ASTN1: variants seen among roughly 807,000 people sequenced by gnomAD.
The protein encoded by ASTN1 is astrotactin 1.
In ASTN1, 41 loss-of-function variants were observed where a neutral mutation model predicts 140.7. The ratio of observed to expected loss-of-function variants is 0.29; its 90% confidence interval spans 0.23 to 0.38. ASTN1 has a LOEUF of 0.38. ASTN1 is among the 10% of genes least tolerant of loss of function. The pLI, the probability that ASTN1 is intolerant of heterozygous loss-of-function variation, is 1.00. For missense variants in ASTN1, 1,479 were observed against 1,678.8 expected (o/e 0.88, Z 2.08); for synonymous variants, 640 against 652.2 (o/e 0.98, Z 0.29).
intron 8 of ASTN1, among the ~76,000 whole-genome samples, chr1:176,991,452 A>G: frequency 6.7e-6 from 1 of 150,034 alleles, no homozygotes; most frequent in Non-Finnish European, 1.5e-5. Context: ...AAAAAAAAAA[A>G]AAAAAACCAA....
chr1:176,889,128 G>C (rs1417493193), intron 17 of ASTN1, among the ~76,000 whole-genome samples: 1 of 152,218 alleles, frequency 6.6e-6, no homozygotes, highest in Non-Finnish European at 1.5e-5. Context: ...TTAAGTAAAA[G>C]GACAGAAGAA....
At chr1:176,983,142 G>A (rs1031164412) in intron 8 of ASTN1, among the ~76,000 whole-genome samples, 1 of 152,180 alleles carries the variant, frequency 6.6e-6, no homozygotes, top group South Asian at 2.1e-4. Context: ...GAATGTGTGA[G>A]AACATGGTTT....
At chr1:177,095,286 A>C (rs1446753216) in intron 1 of ASTN1, among the ~76,000 whole-genome samples, 1 of 152,208 alleles carries the variant, frequency 6.6e-6, no homozygotes, top group East Asian at 1.9e-4. Context: ...GTAGGAGAGA[A>C]CAAGAGTGTA....
intron 14 of ASTN1, among the ~76,000 whole-genome samples, chr1:176,942,866 AGATTGATG>A (rs1671798937): frequency 1.4e-5 from 1 of 69,964 alleles, no homozygotes; most frequent in Non-Finnish European, 2.8e-5. Context: ...ATATATATAT[AGATTGATG>A]TCTCATGTCT....
chr1:177,114,585 T>TAGAC (rs1294661860), intron 1 of ASTN1, among the ~76,000 whole-genome samples: 2 of 152,150 alleles, frequency 1.3e-5, no homozygotes, highest in African/African-American at 4.8e-5. Flanking sequence ...AACCAGGTGA[T>TAGAC]AGACACTGAT....
chr1:176,988,003 C>A (rs1673985100), intron 8 of ASTN1, among the ~76,000 whole-genome samples: 1 of 152,044 alleles, frequency 6.6e-6, no homozygotes, highest in Admixed American at 6.6e-5. Context: ...GCTATTGATG[C>A]TATTTATACA....
rs894573853 is a variant in ASTN1, at chr1:176,863,249, G to C, written c.*1035C>G. On this transcript the variant is annotated 3_prime_UTR_variant, in exon 23 of 23. Transcript: ENST00000361833. ...ACACAAGCAAATTTAGCAAGGTGGG[G>C]ATGAACAGAAGTTTTTTGTGATCAA... The C allele has an allele frequency of 1.0e-6, 1 of 985,772 alleles. No homozygotes were observed. Among genetic ancestry groups the C allele is most frequent in the African/African-American group, 1.7e-5 (1 of 57,238 alleles). 61.1% of individuals were successfully genotyped at this position (985,772 alleles called of 1,614,324 possible).
At chr1:176,874,443 C>G (rs1433210008) in intron 21 of ASTN1, among the ~76,000 whole-genome samples, 1 of 152,186 alleles carries the variant, frequency 6.6e-6, no homozygotes, top group African/African-American at 2.4e-5. Context: ...GGGCTTCAGT[C>G]TTTGACATAA....
chr1:177,005,088 G>A (rs1674926837), intron 8 of ASTN1, among the ~76,000 whole-genome samples: 1 of 152,012 alleles, frequency 6.6e-6, no homozygotes, highest in Admixed American at 6.5e-5. Flanking sequence ...TGCAAAACAT[G>A]CATCTGCAAA....
chr1:177,119,371 G>A (rs1681263450), intron 1 of ASTN1, among the ~76,000 whole-genome samples: 1 of 152,168 alleles, frequency 6.6e-6, no homozygotes, highest in African/African-American at 2.4e-5. Context: ...ACCTCCATGT[G>A]TATATACTTA....
intron 1 of ASTN1, among the ~76,000 whole-genome samples, 168 bp downstream of exon 1, chr1:177,164,226 G>T (rs988212287): frequency 2.0e-5 from 3 of 151,888 alleles, no homozygotes; most frequent in African/African-American, 7.3e-5. Context: ...GCACAGAGGC[G>T]CTAGTATGCA....
At position 176,952,045 on chromosome 1, in the gene ASTN1, T is replaced by G. The variant is rs148581549; in HGVS notation, c.1888-2694A>C. Among the ~76,000 whole-genome samples the G allele has an allele frequency of 1.1e-3, 175 of 152,296 alleles. 1 individual carries two copies. Among genetic ancestry groups the G allele is most frequent in the African/African-American group, 4.1e-3 (171 of 41,568 alleles). On this transcript the variant is annotated intron_variant, in intron 11 of 22. Coordinates refer to ENST00000361833, the MANE Select transcript of ASTN1 (RefSeq NM_004319.3). The stretch of plus-strand genomic sequence containing the variant: ...AGATTGTCTGTCCTGAAAGCATGTG[T>G]GTTTTCCATCTACTCCGCCATGCTG...
chr1:176,892,205 A>G (rs940782204), intron 17 of ASTN1, among the ~76,000 whole-genome samples: 1 of 152,200 alleles, frequency 6.6e-6, no homozygotes, highest in African/African-American at 2.4e-5. Context: ...ATTGTATTCA[A>G]TAGATTCTGT....
intron 2 of ASTN1, among the ~76,000 whole-genome samples, chr1:177,047,863 A>G (rs569248677): frequency 1.3e-5 from 2 of 152,344 alleles, no homozygotes; most frequent in African/African-American, 4.8e-5. Context: ...CTGTCCCTAA[A>G]TAATGAAAAT....
At chr1:177,125,718 C>T (rs1021889592) in intron 1 of ASTN1, among the ~76,000 whole-genome samples, 1 of 152,108 alleles carries the variant, frequency 6.6e-6, no homozygotes, top group Non-Finnish European at 1.5e-5. Flanking sequence ...ATTTTGGGAC[C>T]TCAATCTCAA....
At chr1:177,121,278 A>G (rs1416257543) in intron 1 of ASTN1, among the ~76,000 whole-genome samples, 1 of 152,132 alleles carries the variant, frequency 6.6e-6, no homozygotes. Flanking sequence ...CCCCTAAAAA[A>G]GCTCTGTGAC....
chr1:177,027,704 A>G (rs1676192759), intron 5 of ASTN1, among the ~76,000 whole-genome samples: 1 of 145,100 alleles, frequency 6.9e-6, no homozygotes, highest in African/African-American at 2.5e-5. Flanking sequence ...CTTTTGAGAA[A>G]CCCAGTACAG....
chr1:176,872,150 C>G (rs1207549492), intron 21 of ASTN1, among the ~76,000 whole-genome samples: 1 of 151,842 alleles, frequency 6.6e-6, no homozygotes. Flanking sequence ...AATACATACC[C>G]TCCAAGATTC....
chr1:177,132,566 G>A (rs1232368489), intron 1 of ASTN1, among the ~76,000 whole-genome samples: 1 of 152,124 alleles, frequency 6.6e-6, no homozygotes, highest in African/African-American at 2.4e-5. Flanking sequence ...TCATGTCAAT[G>A]GAACATCCCA....
Sources: gnomAD v4.1 joint callset for allele counts (sites outside exome capture counted in the v4.1 genomes callset) on GRCh38, gnomAD v4.1.1 for gene constraint, MANE v1.5 for transcripts, NCBI Gene and HGNC (gene_info 2026-07-23, HGNC 2026-07-21) for gene names.